Variants in AAK1 observed in about 807,000 individuals in gnomAD.
AAK1 encodes the protein AP2 associated kinase 1, also known as AP2-associated protein kinase 1.
In AAK1, 37 loss-of-function variants were observed where a neutral mutation model predicts 116.0. That is an observed-to-expected ratio of 0.32 (90% CI 0.25 to 0.42). AAK1 has a LOEUF of 0.42. Ranked by LOEUF, AAK1 falls within the 10% of genes least tolerant of loss-of-function variation. The pLI, the probability that AAK1 is intolerant of heterozygous loss-of-function variation, is 1.00. For missense variants in AAK1, 919 were observed against 1,170.6 expected (o/e 0.79, Z 3.14); for synonymous variants, 458 against 439.9 (o/e 1.04, Z -0.51).
rs983618486 is a variant in AAK1, at chr2:69,490,413, G to A, written c.2365+5572C>T. 5.9e-5 allele frequency among the ~76,000 whole-genome samples: 9 copies of A among 152,144 alleles called. No homozygotes were observed. In the East Asian group the frequency reaches 1.7e-3, roughly 29 times the overall value. ...GACAAAAGATGGAAGCAACCCAAGT[G>A]TCCATTAACAGATGAAAGGAGAAAG... On this transcript the variant is annotated intron_variant, in intron 17 of 21. Coordinates refer to ENST00000409085, the MANE Select transcript of AAK1 (RefSeq NM_014911.5).
intron 3 of AAK1, among the ~76,000 whole-genome samples, chr2:69,553,560 C>T (rs1671270688): frequency 6.7e-6 from 1 of 149,116 alleles, no homozygotes; most frequent in Non-Finnish European, 1.5e-5. Flanking sequence ...TCTCCTGCCT[C>T]AGCTTCCTGA....
chr2:69,623,603 C>G (rs143893310), intron 2 of AAK1, among the ~76,000 whole-genome samples: 31 of 152,216 alleles, frequency 2.0e-4, no homozygotes, highest in African/African-American at 7.0e-4. Context: ...CGCTTGAGGT[C>G]AGGAGTTTGA....
At position 69,470,374 on chromosome 2, in the gene AAK1, C is replaced by T. The variant is rs866753511; in HGVS notation, c.*5495G>A. The T allele has an allele frequency of 1.3e-5, 13 of 985,208 alleles. No homozygotes were observed. In the South Asian group the frequency reaches 2.8e-4, roughly 21 times the overall value. The allele number at this position is 985,208 out of a possible 1,614,324, so 61.0% of individuals were successfully genotyped here. A position where few individuals can be genotyped will look rare whatever the true frequency, so the allele number is the denominator to read the frequency against. ...GAACCAAACTGGGGAAATCAAGAGA[C>T]GTACATCAAACTAATAATTACCATG... On this transcript the variant is annotated 3_prime_UTR_variant, in exon 22 of 22. Coordinates refer to ENST00000409085, the MANE Select transcript of AAK1 (RefSeq NM_014911.5).
At chr2:69,597,440 T>A (rs1210644120) in intron 2 of AAK1, 1 of 168,180 alleles carries the variant, frequency 5.9e-6, no homozygotes, top group South Asian at 1.8e-4. Flanking sequence ...CTGAGTTTCC[T>A]CGTGATGTGT....
chr2:69,527,531 T>C lies in AAK1; in HGVS notation c.872-212A>G, dbSNP rs555159630. On this transcript the variant is annotated intron_variant, in intron 8 of 21. Transcript: ENST00000409085. ...AATATCCATAAGAAAATAAAATATA[T>C]AGATTGTAACAAAGATACTTAAAGT... 3.3e-5 allele frequency among the ~76,000 whole-genome samples: 5 copies of C among 152,222 alleles called. No individual in the cohort carries two copies. The South Asian group carries it at 8.3e-4, about 25-fold the overall frequency.
rs542629909 is a variant in AAK1, at chr2:69,585,314, G to A, written c.164-28336C>T. 1.2e-4 allele frequency among the ~76,000 whole-genome samples: 19 copies of A among 152,134 alleles called. No individual in the cohort carries two copies. In the South Asian group the frequency reaches 2.5e-3, roughly 20 times the overall value. ...TGGCTTCAAGCAATCCTCCTGGCCC[G>A]GCCTCCCAAAGTATTGGGACTACAG... On this transcript the variant is annotated intron_variant, in intron 2 of 21. Coordinates refer to ENST00000409085, the MANE Select transcript of AAK1 (RefSeq NM_014911.5).
At chr2:69,513,272 T>G (rs1676458652) in intron 13 of AAK1, among the ~76,000 whole-genome samples, 1 of 152,040 alleles carries the variant, frequency 6.6e-6, no homozygotes, top group Admixed American at 6.6e-5. Flanking sequence ...GGTTTTCTGG[T>G]TTAAGATGGG....
chr2:69,584,912 C>T (rs562259943), intron 2 of AAK1, among the ~76,000 whole-genome samples: 14 of 152,334 alleles, frequency 9.2e-5, no homozygotes, highest in African/African-American at 3.4e-4. Context: ...CTAAAAATCA[C>T]TGTTCCCTTT....
intron 2 of AAK1, among the ~76,000 whole-genome samples, chr2:69,571,007 C>T (rs1672073655): frequency 1.3e-5 from 2 of 152,090 alleles, no homozygotes; most frequent in Admixed American, 6.5e-5. Flanking sequence ...ACAGAATGCC[C>T]ACCCCCATGC....
chr2:69,467,551 G>A lies in AAK1; in HGVS notation c.*8318C>T, dbSNP rs1053773450. ...GGGGGTAAAGGTATCATTTCATCAT[G>A]GGCTCAGTAAAGAGATACTACTGGA... On this transcript the variant is annotated 3_prime_UTR_variant, in exon 22 of 22. Transcript: ENST00000409085. 35 of 985,190 alleles carry A rather than the reference G, an allele frequency of 3.6e-5. No homozygotes were observed. The highest frequency in any genetic ancestry group is 4.2e-5 in the Non-Finnish European group (35 of 829,916). The allele number at this position is 985,190 out of a possible 1,614,324, so 61.0% of individuals were successfully genotyped here. A position where few individuals can be genotyped will look rare whatever the true frequency, so the allele number is the denominator to read the frequency against.
intron 2 of AAK1, among the ~76,000 whole-genome samples, chr2:69,639,624 T>C (rs936905342): frequency 2.0e-5 from 3 of 152,260 alleles, no homozygotes; most frequent in South Asian, 4.1e-4. Flanking sequence ...CTTGGGGTTC[T>C]TGCAATTCCT....
chr2:69,576,341 TCTAA>T (rs1672314383), intron 2 of AAK1, among the ~76,000 whole-genome samples: 1 of 152,056 alleles, frequency 6.6e-6, no homozygotes. Context: ...GTTTTTTTTT[TCTAA>T]CTTTTATTTT....
chr2:69,487,774 TTTTG>T (rs1454106184), intron 17 of AAK1, among the ~76,000 whole-genome samples: 16 of 151,700 alleles, frequency 1.1e-4, no homozygotes, highest in South Asian at 2.1e-4. Context: ...CATTAGTATT[TTTTG>T]TTTGTTTGCT....
Position 69,573,777 on chromosome 2 carries a change from A to T in AAK1, c.164-16799T>A, listed in dbSNP as rs373765568. On this transcript the variant is annotated intron_variant, in intron 2 of 21. Transcript: ENST00000409085. Reference sequence around the variant, plus strand: ...CACTTTGGGAGGCCGAGGCAGGCAGATCACTTGAGGTCAGGAGTTCGAGAC... The same window carrying T: ...CACTTTGGGAGGCCGAGGCAGGCAGTTCACTTGAGGTCAGGAGTTCGAGAC... Among the ~76,000 whole-genome samples the T allele has an allele frequency of 1.7e-4, 26 of 152,236 alleles. No homozygotes were observed. The East Asian group carries it at 4.5e-3, about 26-fold the overall frequency.
intron 2 of AAK1, among the ~76,000 whole-genome samples, chr2:69,616,338 T>C (rs1353056996): frequency 6.6e-6 from 1 of 152,236 alleles, no homozygotes; most frequent in Admixed American, 6.5e-5. Flanking sequence ...AACTGTTCAC[T>C]TTAAAATGGT....
intron 2 of AAK1, among the ~76,000 whole-genome samples, chr2:69,584,836 T>G (rs1672696014): frequency 6.6e-6 from 1 of 152,148 alleles, no homozygotes; most frequent in Non-Finnish European, 1.5e-5. Context: ...TCTAAAGCCT[T>G]CCACCTCACT....
rs1674453015 is a variant in AAK1 at position 69,465,388 on chromosome 2, G to C, written c.*10481C>G. On this transcript the variant is annotated 3_prime_UTR_variant, in exon 22 of 22. Transcript: ENST00000409085. ...AGTGCCATGGCGGGTATTGAGGGTGGGATAGAGACAAGAGGCTTGAGGCTC... is the reference window on the plus strand; with the variant it reads ...AGTGCCATGGCGGGTATTGAGGGTGCGATAGAGACAAGAGGCTTGAGGCTC... The C allele has an allele frequency of 8.0e-7, 1 of 1,248,014 alleles. No individual in the cohort carries two copies. Among genetic ancestry groups the C allele is most frequent in the East Asian group, 5.7e-5 (1 of 17,584 alleles). The allele number at this position is 1,248,014 out of a possible 1,614,324, so 77.3% of individuals were successfully genotyped here.
chr2:69,629,452 G>C (rs191281365), intron 2 of AAK1, among the ~76,000 whole-genome samples: 1 of 152,132 alleles, frequency 6.6e-6, no homozygotes, highest in East Asian at 1.9e-4. Context: ...GGTACCAGAC[G>C]CCAATAATTT....
At chr2:69,596,694 AGCT>A (rs1485244097) in intron 2 of AAK1, among the ~76,000 whole-genome samples, 1 of 152,206 alleles carries the variant, frequency 6.6e-6, no homozygotes, top group Non-Finnish European at 1.5e-5. Flanking sequence ...GCATGGCAGG[AGCT>A]GAGCCACCAA....
Sources: gnomAD v4.1 joint callset for allele counts (sites outside exome capture counted in the v4.1 genomes callset) on GRCh38, gnomAD v4.1.1 for gene constraint, MANE v1.5 for transcripts, NCBI Gene and HGNC (gene_info 2026-07-23, HGNC 2026-07-21) for gene names.